The following NBEA variants were observed in gnomAD, a reference collection of about 807,000 sequenced individuals.
NBEA encodes the protein neurobeachin, also known as lysosomal-trafficking regulator 2.
NBEA carries 44 observed loss-of-function variants against 343.4 expected under a neutral mutation model. The ratio of observed to expected loss-of-function variants is 0.13; its 90% confidence interval spans 0.10 to 0.16. NBEA has a LOEUF of 0.16. Ranked by LOEUF, NBEA falls within the 10% of genes least tolerant of loss-of-function variation. The pLI is 1.00. For missense variants in NBEA, 2,555 were observed against 3,631.3 expected, an observed-to-expected ratio of 0.70 and a Z score of 7.62; for synonymous variants, 1,175 against 1,238.7, an observed-to-expected ratio of 0.95 and a Z score of 1.08.
intron 1 of NBEA, among the ~76,000 whole-genome samples, chr13:35,016,589 T>TACAC (rs66655195): frequency 1.8e-4 from 27 of 148,170 alleles, no homozygotes; most frequent in African/African-American, 6.5e-4. Context: ...TGTATGTGTA[T>TACAC]ACACACACAC....
intron 38 of NBEA, among the ~76,000 whole-genome samples, chr13:35,426,192 G>T (rs987369122): frequency 6.6e-6 from 1 of 152,162 alleles, no homozygotes. Context: ...CTGTCATTAT[G>T]ATGTCAGCTG....
At chr13:35,099,589 A>G (rs1422248634) in intron 11 of NBEA, among the ~76,000 whole-genome samples, 2 of 152,096 alleles carry the variant, frequency 1.3e-5, no homozygotes, top group African/African-American at 4.8e-5. Flanking sequence ...GTTTTGTGTT[A>G]TTTTTTAATT....
At chr13:35,272,076 G>A (rs2034206768) in intron 34 of NBEA, among the ~76,000 whole-genome samples, 1 of 152,176 alleles carries the variant, frequency 6.6e-6, no homozygotes, top group Non-Finnish European at 1.5e-5. Context: ...AGGTTGAAAT[G>A]AAGGAAAAAA....
chr13:35,328,938 G>A (rs2038756583), intron 36 of NBEA, among the ~76,000 whole-genome samples: 1 of 151,928 alleles, frequency 6.6e-6, no homozygotes, highest in South Asian at 2.1e-4. Context: ...AGACAGGATA[G>A]CACTGATATA....
chr13:35,139,752 T>TTTTG (rs2067976031), intron 17 of NBEA, among the ~76,000 whole-genome samples: 2 of 141,370 alleles, frequency 1.4e-5, no homozygotes, highest in Admixed American at 1.4e-4. Flanking sequence ...GCGTTTTTTT[T>TTTTG]TTTTTTTTTT....
At chr13:35,339,939 CA>C (rs2039490161) in intron 36 of NBEA, among the ~76,000 whole-genome samples, 2 of 152,030 alleles carry the variant, frequency 1.3e-5, no homozygotes. Context: ...AACACAGATC[CA>C]AACCATATTA....
At chr13:35,113,947 C>T (rs2066364870) in intron 13 of NBEA, among the ~76,000 whole-genome samples, 1 of 152,138 alleles carries the variant, frequency 6.6e-6, no homozygotes, top group Non-Finnish European at 1.5e-5. Context: ...TAGGACCCTT[C>T]ACATGGATTA....
intron 41 of NBEA, among the ~76,000 whole-genome samples, chr13:35,477,503 T>G (rs1443913499): frequency 2.6e-5 from 4 of 152,192 alleles, no homozygotes; most frequent in Non-Finnish European, 5.9e-5. Flanking sequence ...AAATAAATTG[T>G]CTGTGGGATG....
chr13:34,943,360 T>G (rs2059091277), intron 1 of NBEA, among the ~76,000 whole-genome samples: 1 of 151,936 alleles, frequency 6.6e-6, no homozygotes, highest in Non-Finnish European at 1.5e-5. Context: ...TAACACCGCT[T>G]CTTCTCACTT....
chr13:34,963,677 A>G (rs1276541220), intron 1 of NBEA, among the ~76,000 whole-genome samples: 7 of 151,684 alleles, frequency 4.6e-5, no homozygotes, highest in East Asian at 1.9e-4. Context: ...GAATTATTTC[A>G]TCCTTTTCCA....
chr13:35,628,151 G>A lies in NBEA; in HGVS notation c.7520G>A (p.Arg2507Gln), dbSNP rs925691595. ...WIDLIFGYKQ[R>Q]GPEAVRALNV... is the part of the protein sequence containing the mutation. Reference sequence around the variant, plus strand: ...GACCTTATATTTGGCTATAAGCAGCGAGGACCAGAAGCAGTTCGTGCTCTG... The same window carrying A: ...GACCTTATATTTGGCTATAAGCAGCAAGGACCAGAAGCAGTTCGTGCTCTG... Residue 2507 changes from arginine to glutamine, a missense_variant, in exon 49 of 59, where the codon CGA becomes CAA. Physicochemically the swap from Arg to Gln is conservative, Grantham distance 43. Transcript: ENST00000379939. 7 of 1,613,268 alleles carry A rather than the reference G, an allele frequency of 4.3e-6. No individual in the cohort carries two copies. Among genetic ancestry groups the A allele is most frequent in the South Asian group, 1.1e-5 (1 of 90,906 alleles).
intron 23 of NBEA, 50 bp downstream of exon 23, chr13:35,162,017 C>A: frequency 6.9e-7 from 1 of 1,441,604 alleles, no homozygotes; most frequent in South Asian, 1.3e-5. Flanking sequence ...TAAAATATGC[C>A]ATTGCCTATT....
chr13:35,182,709 A>G (rs1056187539), intron 29 of NBEA, among the ~76,000 whole-genome samples, 181 bp downstream of exon 29: 1 of 151,912 alleles, frequency 6.6e-6, no homozygotes, highest in African/African-American at 2.4e-5. Context: ...GTATTTTTAT[A>G]TAGTTGCTAC....
chr13:35,346,539 G>C (rs1483174925), intron 36 of NBEA, among the ~76,000 whole-genome samples: 1 of 152,002 alleles, frequency 6.6e-6, no homozygotes, highest in African/African-American at 2.4e-5. Context: ...TTTTTCCTAA[G>C]TATTGTCACA....
intron 38 of NBEA, among the ~76,000 whole-genome samples, chr13:35,389,752 T>C (rs1344666598): frequency 6.6e-6 from 1 of 152,100 alleles, no homozygotes; most frequent in Middle Eastern, 3.2e-3. Flanking sequence ...AATGGAACCA[T>C]TTAAAAGGAA....
chr13:35,379,084 GT>G (rs930063345), intron 38 of NBEA, among the ~76,000 whole-genome samples: 95 of 143,628 alleles, frequency 6.6e-4, no homozygotes, highest in Non-Finnish European at 9.7e-4. Flanking sequence ...GTACATATTT[GT>G]TTTTTTTTTT....
chr13:35,308,140 C>A (rs2037024492), intron 35 of NBEA, among the ~76,000 whole-genome samples: 1 of 151,462 alleles, frequency 6.6e-6, no homozygotes, highest in Non-Finnish European at 1.5e-5. Flanking sequence ...CTTTGGGGGA[C>A]CATATTTATT....
rs901388345 is a variant in NBEA, at chr13:35,153,215, A to G, written c.2446-2559A>G. On this transcript the variant is annotated intron_variant, in intron 18 of 58. Transcript: ENST00000379939. ...ACCCGGGTAATTTTTTGTATTTTTT[A>G]GTAGAGACAGGGTTTCACCGTGTTA... 5.3e-5 allele frequency among the ~76,000 whole-genome samples: 8 copies of G among 151,634 alleles called. No individual in the cohort carries two copies. In the South Asian group the frequency reaches 1.5e-3, roughly 28 times the overall value.
chr13:34,961,792 G>A (rs2152491774), intron 1 of NBEA, among the ~76,000 whole-genome samples: 1 of 152,044 alleles, frequency 6.6e-6, no homozygotes, highest in Non-Finnish European at 1.5e-5. Context: ...CTTTATAAAG[G>A]TGATGAAGCT....
Sources: gnomAD v4.1 joint callset for allele counts (sites outside exome capture counted in the v4.1 genomes callset) on GRCh38, gnomAD v4.1.1 for gene constraint, MANE v1.5 for transcripts, NCBI Gene and HGNC (gene_info 2026-07-23, HGNC 2026-07-21) for gene names.